CDH6: variants seen among roughly 807,000 people sequenced by gnomAD.
The protein encoded by CDH6 is cadherin-6.
Under a neutral mutation model 78.0 loss-of-function variants are expected in CDH6, and 31 were observed. The ratio of observed to expected loss-of-function variants is 0.40; its 90% CI spans 0.30 to 0.54. The LOEUF is 0.54. Ranked by LOEUF, CDH6 falls within the 20% of genes least tolerant of loss-of-function variation. CDH6 has a pLI of 0.56. For synonymous variants in CDH6, 376 were observed against 368.8 expected (o/e 1.02, Z -0.23); for missense variants, 724 against 975.9 (o/e 0.74, Z 3.44).
At chr5:31,209,530 C>T (rs550597999) in intron 1 of CDH6, among the ~76,000 whole-genome samples, 18 of 152,204 alleles carry the variant, frequency 1.2e-4, no homozygotes, top group South Asian at 2.1e-4. Context: ...ACCCTATTAA[C>T]GGGAAAGGCG....
Position 31,305,350 on chromosome 5 carries a change from A to G in CDH6, c.1176A>G (p.Ile392Met). 1 of 1,614,092 alleles carries G rather than the reference A, an allele frequency of 6.2e-7. No individual in the cohort carries two copies. Among genetic ancestry groups the G allele is most frequent in the Non-Finnish European group, 8.5e-7 (1 of 1,179,922 alleles). The change falls in exon 7 of 12, where the codon ATA becomes ATG. Residue 392 changes from isoleucine to methionine, a missense_variant. Physicochemically the swap from Ile to Met is conservative, Grantham distance 10 (BLOSUM62 1). Coordinates refer to ENST00000265071, the MANE Select transcript of CDH6 (RefSeq NM_004932.4). ...GCAAACTGGCCTACATCTTACAAATAAGAGAAGATGCTCAGATAAACACCA... is the reference window on the plus strand; with the variant it reads ...GCAAACTGGCCTACATCTTACAAATGAGAGAAGATGCTCAGATAAACACCA... ...VFSKLAYILQ[I>M]REDAQINTTI...
chr5:31,302,790 G>GAAAGAA (rs1737816369), intron 6 of CDH6, among the ~76,000 whole-genome samples: 8 of 95,320 alleles, frequency 8.4e-5, no homozygotes, highest in Non-Finnish European at 1.2e-4. Flanking sequence ...GAGAGAGAGA[G>GAAAGAA]AGAGAGAGAG....
intron 3 of CDH6, among the ~76,000 whole-genome samples, chr5:31,296,155 AT>A (rs1165023380): frequency 6.6e-6 from 1 of 152,192 alleles, no homozygotes; most frequent in African/African-American, 2.4e-5. Context: ...AATTCCTAAT[AT>A]TCCCTGGATG....
chr5:31,202,119 T>C (rs200126317), intron 1 of CDH6, among the ~76,000 whole-genome samples: 1 of 149,820 alleles, frequency 6.7e-6, no homozygotes, highest in Non-Finnish European at 1.5e-5. Flanking sequence ...TCTTTTTTTT[T>C]CTAAAAGTGA....
At position 31,327,284 on chromosome 5, in the gene CDH6, A is replaced by T; in HGVS notation, c.*3976A>T. 5.3e-6 allele frequency: 1 copy of T among 189,602 alleles called. No individual in the cohort carries two copies. The highest frequency in any genetic ancestry group is 8.5e-5 in the East Asian group (1 of 11,830). 11.7% of individuals were successfully genotyped at this position (189,602 alleles called of 1,614,324 possible). A position where few individuals can be genotyped will look rare whatever the true frequency, so the allele number is the denominator to read the frequency against. On this transcript the variant is annotated 3_prime_UTR_variant, in exon 12 of 12. Transcript: ENST00000265071. ...AACTAAATATTCAAATCAGGTACTC[A>T]TCCTTATCAGCTAAATTCATTTTCA...
intron 2 of CDH6, among the ~76,000 whole-genome samples, chr5:31,283,771 C>G (rs1469535105): frequency 2.0e-5 from 3 of 151,940 alleles, no homozygotes; most frequent in Admixed American, 1.3e-4. Flanking sequence ...TGAAGGCAGC[C>G]TGATCCCAGG....
At chr5:31,311,007 C>G (rs897138599) in intron 7 of CDH6, among the ~76,000 whole-genome samples, 3 of 152,218 alleles carry the variant, frequency 2.0e-5, no homozygotes, top group Non-Finnish European at 4.4e-5. Context: ...TTCGGCTCCT[C>G]TTTAGTTAGG....
chr5:31,317,630 C>A, intron 10 of CDH6, 43 bp from the exon 11 acceptor site: 1 of 1,587,764 alleles, frequency 6.3e-7, no homozygotes, highest in Non-Finnish European at 8.6e-7. Context: ...TAATACATGA[C>A]GCAGTATCCA....
chr5:31,203,233 C>CTTTTTTT (rs10656122), intron 1 of CDH6, among the ~76,000 whole-genome samples: 10 of 127,222 alleles, frequency 7.9e-5, no homozygotes, highest in South Asian at 2.4e-4. Flanking sequence ...CAGGCAGGTC[C>CTTTTTTT]TTTTTTTTTT....
intron 1 of CDH6, among the ~76,000 whole-genome samples, chr5:31,208,300 T>C (rs1316858424): frequency 6.6e-6 from 1 of 152,202 alleles, no homozygotes; most frequent in African/African-American, 2.4e-5. Flanking sequence ...CTTAGATTTG[T>C]GGCGTGGCAG....
chr5:31,210,281 G>A (rs1332358913), intron 1 of CDH6, among the ~76,000 whole-genome samples: 4 of 152,162 alleles, frequency 2.6e-5, no homozygotes, highest in Non-Finnish European at 5.9e-5. Flanking sequence ...TTGGGAGGCC[G>A]AGGTGGGTGG....
At chr5:31,232,776 G>A (rs1375630341) in intron 1 of CDH6, among the ~76,000 whole-genome samples, 3 of 152,150 alleles carry the variant, frequency 2.0e-5, no homozygotes, top group African/African-American at 7.2e-5. Context: ...GTTATCTGTT[G>A]AGGAAATTAT....
intron 1 of CDH6, among the ~76,000 whole-genome samples, chr5:31,228,166 C>T (rs1741217642): frequency 6.6e-6 from 1 of 152,140 alleles, no homozygotes; most frequent in Admixed American, 6.5e-5. Flanking sequence ...CCTCACTGTC[C>T]CATCTTCTCT....
chr5:31,294,138 A>G lies in CDH6; in HGVS notation c.405A>G (p.Thr135=), dbSNP rs373320521. The G allele has an allele frequency of 5.0e-6, 8 of 1,614,018 alleles. No individual in the cohort carries two copies. Among genetic ancestry groups the G allele is most frequent in the Non-Finnish European group, 6.8e-6 (8 of 1,179,938 alleles). ...GAGCTCAAGCTATAAACAGAAGGAC[A>G]GGGAGACCCGTGGAGCCCGAGTCTG... ...ILRAQAINRR[T]GRPVEPESEF... The change falls in exon 3 of 12, where the codon ACA becomes ACG. Residue 135 remains threonine (T), a synonymous_variant. Transcript: ENST00000265071. The surrounding 1 kb of genome is among the most constrained non-coding windows in gnomAD (Gnocchi z 4.1).
intron 1 of CDH6, among the ~76,000 whole-genome samples, chr5:31,255,861 T>C (rs1436203777): frequency 1.3e-5 from 2 of 152,256 alleles, no homozygotes; most frequent in African/African-American, 2.4e-5. Flanking sequence ...ACATATTGAA[T>C]GAACAAAGCT....
chr5:31,211,102 T>C (rs1740693827), intron 1 of CDH6, among the ~76,000 whole-genome samples: 1 of 152,206 alleles, frequency 6.6e-6, no homozygotes, highest in African/African-American at 2.4e-5. Context: ...TGTGTTTGTT[T>C]TGGGAATAGA....
chr5:31,200,567 TACACACACACAC>T (rs10533381), intron 1 of CDH6, among the ~76,000 whole-genome samples: 2 of 144,372 alleles, frequency 1.4e-5, no homozygotes, highest in Non-Finnish European at 3.1e-5. Flanking sequence ...CACACATACA[TACACACACACAC>T]ACACACACAC....
chr5:31,242,383 A>G (rs1741627659), intron 1 of CDH6, among the ~76,000 whole-genome samples: 1 of 152,148 alleles, frequency 6.6e-6, no homozygotes, highest in South Asian at 2.1e-4. Context: ...GTTGTCTCTC[A>G]ACTCTTGCTG....
At chr5:31,217,795 GC>G (rs1167201444) in intron 1 of CDH6, among the ~76,000 whole-genome samples, 1 of 152,086 alleles carries the variant, frequency 6.6e-6, no homozygotes, top group Non-Finnish European at 1.5e-5. Flanking sequence ...GCCCAGCTCT[GC>G]CTCTATTTAA....
Sources: gnomAD v4.1 joint callset for allele counts (sites outside exome capture counted in the v4.1 genomes callset) on GRCh38, gnomAD v4.1.1 for gene constraint, Gnocchi (gnomAD v3.1) non-coding constraint, MANE v1.5 for transcripts, NCBI Gene and HGNC (gene_info 2026-07-23, HGNC 2026-07-21) for gene names.